ZCCHC14: variants seen among roughly 807,000 people sequenced by gnomAD.
ZCCHC14 encodes the protein zinc finger CCHC-type containing 14, also known as zinc finger CCHC domain-containing protein 14.
A neutral mutation model predicts 85.0 loss-of-function variants in ZCCHC14; 16 were observed. The ratio of observed to expected loss-of-function variants is 0.19; its 90% CI spans 0.13 to 0.29. The LOEUF (loss-of-function observed/expected upper bound fraction) is 0.29, where lower values mean the gene tolerates loss of function less well. ZCCHC14 is among the 10% of genes least tolerant of loss of function. The probability of loss-of-function intolerance (pLI) is 1.00; values close to 1 mark genes in which losing one functional copy is unlikely to be tolerated. For missense variants in ZCCHC14, 1,303 were observed against 1,443.5 expected, an observed-to-expected ratio of 0.90 and a Z score of 1.58; for synonymous variants, 775 against 630.7, an observed-to-expected ratio of 1.23 and a Z score of -3.43.
Position 87,478,824 on chromosome 16 carries a change from C to G in ZCCHC14, c.570+12845G>C, listed in dbSNP as rs1042353535. On this transcript the variant is annotated intron_variant, in intron 1 of 12. Coordinates refer to ENST00000671377, the MANE Select transcript of ZCCHC14 (RefSeq NM_015144.3). ...GTTTTACCATATTGGTCAGGCTGGA[C>G]TCAAATTCCTGACCTTGTGATCCGC... 2.0e-5 allele frequency among the ~76,000 whole-genome samples: 3 copies of G among 152,008 alleles called. No homozygotes were observed. In the East Asian group the frequency reaches 5.9e-4, roughly 30 times the overall value.
At chr16:87,455,292 C>CA (rs1488595555) in intron 2 of ZCCHC14, among the ~76,000 whole-genome samples, 4 of 148,504 alleles carry the variant, frequency 2.7e-5, no homozygotes, top group Admixed American at 1.3e-4. Context: ...CCGTCCCCCC[C>CA]CGCCCCCGCA....
chr16:87,417,852 C>T (rs550058340), intron 7 of ZCCHC14, 110 bp from the exon 8 acceptor site: 17 of 1,358,252 alleles, frequency 1.3e-5, no homozygotes, highest in East Asian at 2.5e-5. Context: ...GCCTCTTGGC[C>T]GGCCCTGTTG....
intron 2 of ZCCHC14, among the ~76,000 whole-genome samples, chr16:87,443,999 T>C (rs940583105): frequency 7.2e-6 from 1 of 138,382 alleles, no homozygotes; most frequent in Non-Finnish European, 1.5e-5. Context: ...ACTGTGCCAC[T>C]GCACTGCAGC....
chr16:87,449,191 C>T (rs1910578739), intron 2 of ZCCHC14, among the ~76,000 whole-genome samples: 1 of 152,238 alleles, frequency 6.6e-6, no homozygotes, highest in South Asian at 2.1e-4. Context: ...GGCTGTTACA[C>T]AGCTGTAGCT....
chr16:87,454,808 C>T (rs547481332), intron 2 of ZCCHC14, among the ~76,000 whole-genome samples: 129 of 152,346 alleles, frequency 8.5e-4, no homozygotes, highest in Non-Finnish European at 1.6e-3. Flanking sequence ...CGTAGCTGGA[C>T]CCATGTGACA....
Position 87,492,217 on chromosome 16 carries a change from G to C in ZCCHC14, c.22C>G (p.Leu8Val), listed in dbSNP as rs1912798928. The change falls in exon 1 of 13, where the codon CTG becomes GTG. Residue 8 changes from leucine (L) to valine (V), a missense_variant. Physicochemically the swap from Leu to Val is conservative, Grantham distance 32. This residue lies in a region of ZCCHC14 where 29 missense variants were observed against 76.8 expected (regional missense o/e 0.38). Coordinates refer to ENST00000671377, the MANE Select transcript of ZCCHC14 (RefSeq NM_015144.3). This position sits in a 1 kb window ranked among gnomAD's most constrained non-coding sequence, Gnocchi z 6.7. ...CAGCGGTACACGCCGTCCCTCTGCA[G>C]CGGGCAGCGCTTCTCCACCATGCTG... Reference protein sequence around the residue: MVEKRCPLQRDGVYRWFS... With the variant: MVEKRCPVQRDGVYRWFS... 2 of 984,496 alleles carry C rather than the reference G, an allele frequency of 2.0e-6. No individual in the cohort carries two copies. The highest frequency in any genetic ancestry group is 2.4e-6 in the Non-Finnish European group (2 of 829,676). 61.0% of individuals were successfully genotyped at this position (984,496 alleles called of 1,614,324 possible). A position where few individuals can be genotyped will look rare whatever the true frequency, so the allele number is the denominator to read the frequency against.
chr16:87,412,993 G>C lies in ZCCHC14; in HGVS notation c.1745-17C>G. ...TCTCCACACCTAGAGAGGGAAACAA[G>C]AGTGGTCAGTGCCATTCCACAGCTG... On this transcript the variant is annotated splice_polypyrimidine_tract_variant and intron_variant, in intron 11 of 12. Transcript: ENST00000671377. 1 of 1,613,730 alleles carries C rather than the reference G, an allele frequency of 6.2e-7. No homozygotes were observed. Among genetic ancestry groups the C allele is most frequent in the Non-Finnish European group, 8.5e-7 (1 of 1,179,836 alleles).
rs572619543 is a variant in ZCCHC14, at chr16:87,417,678, G to T, written c.1165C>A (p.Pro389Thr). ...QSGAQHHGQH[P>T]AGSAAPLPHC... ...GGCAAGGGGGCGGCGGAGCCGGCCG[G>T]GTGCTGCCCGTGGTGCTGGGCTCCG... Residue 389 changes from proline to threonine, a missense_variant, in exon 8 of 13, where the codon CCG becomes ACG. This residue lies in a region of ZCCHC14 where 389 missense variants were observed against 397.8 expected (regional missense o/e 0.98). Transcript: ENST00000671377. 6.2e-7 allele frequency: 1 copy of T among 1,610,908 alleles called. No homozygotes were observed. Among genetic ancestry groups the T allele is most frequent in the Admixed American group, 1.7e-5 (1 of 59,924 alleles).
In ZCCHC14 at chr16:87,412,976, C is replaced by A; in HGVS notation, c.1745G>T (p.Arg582Leu). 6.2e-7 allele frequency: 1 copy of A among 1,612,542 alleles called. No individual in the cohort carries two copies. The highest frequency in any genetic ancestry group is 8.5e-7 in the Non-Finnish European group (1 of 1,179,198). The change falls in exon 12 of 13, where the codon CGT becomes CTT. Residue 582 changes from arginine to leucine, a missense_variant and splice_region_variant. Physicochemically the swap from Arg to Leu is moderately radical, Grantham distance 102 (BLOSUM62 -2). Around this residue, in one of 7 missense-constraint regions of ZCCHC14, gnomAD observed 797 missense variants for 730.8 expected, o/e 1.09. Coordinates refer to ENST00000671377, the MANE Select transcript of ZCCHC14 (RefSeq NM_015144.3). ...SSDSAEENDR[R>L]VEIHLESSDK... ...AGAGCTCTCCAAGTGAATCTCCACA[C>A]CTAGAGAGGGAAACAAGAGTGGTCA...
rs1303923650 is a variant in ZCCHC14, at chr16:87,414,771, C to T, written c.1476-230G>A. On this transcript the variant is annotated intron_variant, in intron 9 of 12. Coordinates refer to ENST00000671377, the MANE Select transcript of ZCCHC14 (RefSeq NM_015144.3). ...GTCCTTTCCTGTCAAACCTAAGACA[C>T]ATTTGTAGAACTTTAAAAGCATGAC... 3.9e-5 allele frequency among the ~76,000 whole-genome samples: 6 copies of T among 152,240 alleles called. No individual in the cohort carries two copies. The East Asian group carries it at 1.2e-3, about 29-fold the overall frequency.
rs373956323 is a variant in ZCCHC14, at chr16:87,412,099, G to C, written c.2622C>G (p.Ser874=). The stretch of plus-strand genomic sequence containing the variant: ...TGCTATAGAAACTGCTTTCAGGGAC[G>C]GAGGACAGCGCCGGGCTGGAGCTGG... ...PAPSSSPALS[S]VPESSFYSSS... Residue 874 remains serine (S), a synonymous_variant, in exon 12 of 13, where the codon TCC becomes TCG. Coordinates refer to ENST00000671377, the MANE Select transcript of ZCCHC14 (RefSeq NM_015144.3). 1 of 1,613,322 alleles carries C rather than the reference G, an allele frequency of 6.2e-7. No homozygotes were observed. Among genetic ancestry groups the C allele is most frequent in the Non-Finnish European group, 8.5e-7 (1 of 1,180,040 alleles).
rs143064261 is a variant in ZCCHC14, at chr16:87,486,996, C to T, written c.570+4673G>A. 3.0e-3 allele frequency among the ~76,000 whole-genome samples: 457 copies of T among 152,376 alleles called. 4 individuals are homozygous for T. Among genetic ancestry groups the T allele is most frequent in the Non-Finnish European group, 3.3e-3 (225 of 68,042 alleles). ...CTAAAGGAGAAACCAAAAGAAACCA[C>T]TTATACTTTGCCTGATAACCAGAGG... On this transcript the variant is annotated intron_variant, in intron 1 of 12. Coordinates refer to ENST00000671377, the MANE Select transcript of ZCCHC14 (RefSeq NM_015144.3).
chr16:87,442,396 A>G (rs528735261), intron 2 of ZCCHC14, among the ~76,000 whole-genome samples: 121 of 152,294 alleles, frequency 7.9e-4, no homozygotes, highest in Non-Finnish European at 1.4e-3. Flanking sequence ...GTATCATACT[A>G]TTCAAGAAAA....
Position 87,491,575 on chromosome 16 carries a change from G to A in ZCCHC14, c.570+94C>T. 1 of 1,185,212 alleles carries A rather than the reference G, an allele frequency of 8.4e-7. No individual in the cohort carries two copies. The highest frequency in any genetic ancestry group is 2.1e-5 in the South Asian group (1 of 48,440). 73.4% of individuals were successfully genotyped at this position (1,185,212 alleles called of 1,614,324 possible). On this transcript the variant is annotated intron_variant, in intron 1 of 12. Transcript: ENST00000671377. The surrounding 1 kb of genome is among the most constrained non-coding windows in gnomAD (Gnocchi z 5.9). ...AGCTCTCAGTGCAGGCTGGAGGCGT[G>A]GGTCGGGGGGTCGCGGTGCAGGCTG...
intron 1 of ZCCHC14, among the ~76,000 whole-genome samples, chr16:87,475,666 A>G (rs907507269): frequency 1.3e-5 from 2 of 152,248 alleles, no homozygotes; most frequent in East Asian, 1.9e-4. Context: ...CAGAAGACTC[A>G]GTGAATCTGA....
At chr16:87,481,528 G>GC (rs1912267782) in intron 1 of ZCCHC14, among the ~76,000 whole-genome samples, 1 of 18,528 alleles carries the variant, frequency 5.4e-5, no homozygotes, top group South Asian at 3.6e-3. Context: ...GAGAGAAACG[G>GC]GGGGGGGGGG....
chr16:87,487,570 C>G (rs1183258236), intron 1 of ZCCHC14, among the ~76,000 whole-genome samples: 1 of 152,252 alleles, frequency 6.6e-6, no homozygotes, highest in African/African-American at 2.4e-5. Flanking sequence ...ACCTAGCAAT[C>G]CACCAGGTGG....
rs371832598 is a variant in ZCCHC14 at position 87,417,681 on chromosome 16, G to A, written c.1162C>T (p.His388Tyr). ...SQSGAQHHGQHPAGSAAPLPH... is the reference protein window; with the variant it reads ...SQSGAQHHGQYPAGSAAPLPH... ...AAGGGGGCGGCGGAGCCGGCCGGGT[G>A]CTGCCCGTGGTGCTGGGCTCCGCTC... The change falls in exon 8 of 13, where the codon CAC becomes TAC. Residue 388 changes from histidine to tyrosine, a missense_variant. His to Tyr is a moderately conservative substitution (Grantham distance 83). Transcript: ENST00000671377. 3.1e-6 allele frequency: 5 copies of A among 1,610,514 alleles called. No homozygotes were observed. The highest frequency in any genetic ancestry group is 1.3e-5 in the African/African-American group (1 of 74,866).
Position 87,412,803 on chromosome 16 carries a change from G to A in ZCCHC14, c.1918C>T (p.His640Tyr), listed in dbSNP as rs1351088152. Residue 640 changes from histidine to tyrosine, a missense_variant, in exon 12 of 13, where the codon CAC becomes TAC. This residue lies in a region of ZCCHC14 where 797 missense variants were observed against 730.8 expected (regional missense o/e 1.09). Coordinates refer to ENST00000671377, the MANE Select transcript of ZCCHC14 (RefSeq NM_015144.3). ...TTCAGCATGCGGATGGGTGTGATGT[G>A]TGAGGCTGCGCTCAGCATCTGCGGG... ...LPPQMLSAAS[H>Y]ITPIRMLNSV... is the part of the protein sequence containing the mutation. 7 of 1,612,488 alleles carry A rather than the reference G, an allele frequency of 4.3e-6. No individual in the cohort carries two copies. In the Admixed American group the frequency reaches 1.2e-4, roughly 27 times the overall value.
Sources: allele counts gnomAD v4.1 joint callset (sites outside exome capture counted in the v4.1 genomes callset), GRCh38; gene constraint gnomAD v4.1.1; regional missense constraint gnomAD v4.1.1; non-coding constraint Gnocchi (gnomAD v3.1); transcripts MANE v1.5; gene names NCBI Gene and HGNC (gene_info 2026-07-23, HGNC 2026-07-21).